The following IMMP2L variants were observed in gnomAD, a reference collection of about 807,000 sequenced individuals.
IMMP2L encodes the protein mitochondrial inner membrane protease subunit 2.
Under a neutral mutation model 19.3 loss-of-function variants are expected in IMMP2L, and 18 were observed. The observed-to-expected ratio is 0.93, with a 90% confidence interval of 0.64 to 1.38. The LOEUF (loss-of-function observed/expected upper bound fraction) is 1.38. Ranked by LOEUF, IMMP2L falls within the 40% of genes most tolerant of loss-of-function variation. The probability of loss-of-function intolerance (pLI) is 0.00; values close to 1 mark genes in which losing one functional copy is unlikely to be tolerated. For missense variants in IMMP2L, 233 were observed against 218.2 expected (o/e 1.07, Z -0.43); for synonymous variants, 76 against 73.0 (o/e 1.04, Z -0.21).
Position 111,502,910 on chromosome 7 carries a change from A to C in IMMP2L, c.136-15569T>G, listed in dbSNP as rs1198084909. Among the ~76,000 whole-genome samples, 3 of 149,518 alleles carry C rather than the reference A, an allele frequency of 2.0e-5. No individual in the cohort carries two copies. In the South Asian group the frequency reaches 6.5e-4, roughly 32 times the overall value. On this transcript the variant is annotated intron_variant, in intron 2 of 5. Transcript: ENST00000405709. ...ACACCCTAACATCACAATTAAAAGAACTAGAAAAGCAAGAGCAAACACATT... is the reference window on the plus strand; with the variant it reads ...ACACCCTAACATCACAATTAAAAGACCTAGAAAAGCAAGAGCAAACACATT...
chr7:111,205,227 A>G (rs1297934305), intron 3 of IMMP2L, among the ~76,000 whole-genome samples: 1 of 152,226 alleles, frequency 6.6e-6, no homozygotes, highest in African/African-American at 2.4e-5. Flanking sequence ...CCCATTCATG[A>G]GAGCTCTAGC....
At chr7:111,038,624 A>C (rs1239227408) in intron 3 of IMMP2L, among the ~76,000 whole-genome samples, 1 of 152,194 alleles carries the variant, frequency 6.6e-6, no homozygotes, top group Non-Finnish European at 1.5e-5. Context: ...ACCCTTGGGC[A>C]TAAAACTATA....
intron 3 of IMMP2L, among the ~76,000 whole-genome samples, chr7:111,309,057 G>A (rs183340139): frequency 7.9e-5 from 12 of 152,036 alleles, no homozygotes; most frequent in Admixed American, 1.3e-4. Flanking sequence ...GTACAGAACC[G>A]CACCTGCATA....
intron 4 of IMMP2L, among the ~76,000 whole-genome samples, chr7:110,961,788 C>T (rs1818972646): frequency 6.6e-6 from 1 of 151,680 alleles, no homozygotes; most frequent in Non-Finnish European, 1.5e-5. Context: ...CTGTTAGCAA[C>T]AGCAACAAAA....
Position 111,191,475 on chromosome 7 carries a change from A to AC in IMMP2L, c.240-227911_240-227910insG, listed in dbSNP as rs1562906837. Among the ~76,000 whole-genome samples the AC allele has an allele frequency of 2.8e-3, 373 of 131,986 alleles. 4 individuals carry two copies. The highest frequency in any genetic ancestry group is 0.01 in the African/African-American group (346 of 33,844). 86.6% of individuals were successfully genotyped at this position (131,986 alleles called of 152,430 possible). ...ACACACACACACACACACACACACA[A>AC]AACTTATATGCTTTTACATCTAAAC... is the stretch of plus-strand genomic sequence containing the variant. On this transcript the variant is annotated intron_variant, in intron 3 of 5. Coordinates refer to ENST00000405709, the MANE Select transcript of IMMP2L (RefSeq NM_032549.4).
At chr7:110,890,401 G>C (rs1168168083) in intron 4 of IMMP2L, among the ~76,000 whole-genome samples, 1 of 152,090 alleles carries the variant, frequency 6.6e-6, no homozygotes, top group East Asian at 1.9e-4. Flanking sequence ...AAGAACCCTG[G>C]TAAAATTCAC....
chr7:111,325,960 A>C (rs1257359159), intron 3 of IMMP2L, among the ~76,000 whole-genome samples: 1 of 151,726 alleles, frequency 6.6e-6, no homozygotes, highest in African/African-American at 2.4e-5. Context: ...TTTGCCTATA[A>C]CTGAATTGTG....
intron 3 of IMMP2L, among the ~76,000 whole-genome samples, chr7:111,240,769 T>C (rs1363000086): frequency 6.6e-6 from 1 of 151,920 alleles, no homozygotes; most frequent in African/African-American, 2.4e-5. Context: ...TTGCTAAATT[T>C]CTCCCTGAAG....
At chr7:111,234,272 C>G (rs1814041765) in intron 3 of IMMP2L, among the ~76,000 whole-genome samples, 1 of 152,022 alleles carries the variant, frequency 6.6e-6, no homozygotes, top group Non-Finnish European at 1.5e-5. Flanking sequence ...TTTCATTAAA[C>G]TCAGATAATA....
intron 1 of IMMP2L, among the ~76,000 whole-genome samples, chr7:111,539,359 C>T (rs1848318236): frequency 6.6e-6 from 1 of 152,066 alleles, no homozygotes. Flanking sequence ...AATCATAACA[C>T]AACACTCTTG....
intron 3 of IMMP2L, among the ~76,000 whole-genome samples, chr7:111,417,025 T>G (rs1835014576): frequency 6.6e-6 from 1 of 151,756 alleles, no homozygotes; most frequent in South Asian, 2.1e-4. Context: ...AGATTCACTT[T>G]CTTAGTTGCA....
intron 2 of IMMP2L, among the ~76,000 whole-genome samples, chr7:111,497,091 A>G (rs886587166): frequency 6.6e-6 from 1 of 152,186 alleles, no homozygotes; most frequent in Admixed American, 6.5e-5. Context: ...CTAGGTTGTT[A>G]ATTTTTCATT....
At chr7:110,683,319 T>C (rs1240816340) in intron 5 of IMMP2L, among the ~76,000 whole-genome samples, 2 of 152,144 alleles carry the variant, frequency 1.3e-5, no homozygotes, top group Non-Finnish European at 2.9e-5. Context: ...AACATTTTGC[T>C]TTCAGAAGGG....
intron 3 of IMMP2L, among the ~76,000 whole-genome samples, chr7:110,997,365 C>T (rs566379368): frequency 2.3e-4 from 35 of 152,012 alleles, no homozygotes; most frequent in African/African-American, 8.0e-4. Flanking sequence ...CATCAATATT[C>T]AGATGTTTGT....
chr7:111,542,521 T>C (rs902969250), intron 1 of IMMP2L, among the ~76,000 whole-genome samples: 11 of 152,138 alleles, frequency 7.2e-5, no homozygotes, highest in Admixed American at 5.2e-4. Context: ...TCCAGATTAT[T>C]TGACCCTGTA....
At chr7:110,823,629 T>C (rs1193991941) in intron 5 of IMMP2L, among the ~76,000 whole-genome samples, 2 of 152,062 alleles carry the variant, frequency 1.3e-5, no homozygotes, top group African/African-American at 4.8e-5. Context: ...TTCCTAACCT[T>C]ATAAAAGATC....
chr7:111,522,685 G>T (rs1039315039), intron 1 of IMMP2L, among the ~76,000 whole-genome samples: 1 of 151,912 alleles, frequency 6.6e-6, no homozygotes, highest in Non-Finnish European at 1.5e-5. Context: ...TCTGTTTATG[G>T]GAATGTAAAT....
intron 3 of IMMP2L, among the ~76,000 whole-genome samples, chr7:111,148,515 A>C (rs570808814): frequency 6.6e-6 from 1 of 152,088 alleles, no homozygotes; most frequent in African/African-American, 2.4e-5. Context: ...CCTACAGTAT[A>C]TGAATTATAT....
intron 3 of IMMP2L, among the ~76,000 whole-genome samples, chr7:111,219,273 T>C (rs1010464414): frequency 1.3e-5 from 2 of 151,998 alleles, no homozygotes; most frequent in African/African-American, 4.8e-5. Flanking sequence ...AAGTCATAAC[T>C]TTTTTTCTTT....
Sources: allele counts gnomAD v4.1 joint callset (sites outside exome capture counted in the v4.1 genomes callset), GRCh38; gene constraint gnomAD v4.1.1; transcripts MANE v1.5; gene names NCBI Gene and HGNC (gene_info 2026-07-23, HGNC 2026-07-21).